The following SLC39A14 variants were observed in gnomAD, a reference collection of about 807,000 sequenced individuals.
The protein encoded by SLC39A14 is metal cation symporter ZIP14.
A neutral mutation model predicts 45.5 loss-of-function variants in SLC39A14; 19 were observed. That is an observed-to-expected ratio of 0.42 (90% CI 0.29 to 0.61). The LOEUF is 0.61. SLC39A14 is among the 20% of genes least tolerant of loss of function. SLC39A14 has a pLI of 0.22. For missense variants in SLC39A14, 447 were observed against 616.5 expected, an observed-to-expected ratio of 0.73 and a Z score of 2.91; for synonymous variants, 264 against 251.3, an observed-to-expected ratio of 1.05 and a Z score of -0.48.
chr8:22,368,800 T>G (rs1210648423), intron 1 of SLC39A14, among the ~76,000 whole-genome samples: 1 of 151,796 alleles, frequency 6.6e-6, no homozygotes, highest in Non-Finnish European at 1.5e-5. Flanking sequence ...CCTTCCAGAG[T>G]GCTGGGATTA....
chr8:22,393,637 C>T (rs1834204037), intron 1 of SLC39A14, among the ~76,000 whole-genome samples: 1 of 152,106 alleles, frequency 6.6e-6, no homozygotes, highest in Non-Finnish European at 1.5e-5. Flanking sequence ...TTGGCAGTTT[C>T]CGTAGCCAAA....
In SLC39A14 at chr8:22,367,991, C is replaced by A. The variant is rs1214101661; in HGVS notation, c.-16+583C>A. Among the ~76,000 whole-genome samples, 1 of 152,156 alleles carries A rather than the reference C, an allele frequency of 6.6e-6. No homozygotes were observed. Among genetic ancestry groups the A allele is most frequent in the African/African-American group, 2.4e-5 (1 of 41,416 alleles). On this transcript the variant is annotated intron_variant, in intron 1 of 8. Transcript: ENST00000381237. The surrounding 1 kb of genome is among the most constrained non-coding windows in gnomAD (Gnocchi z 4.2). ...GCTGCCCCCTCTTGGTGGGTGAGGG[C>A]AGTGGGACAAAGTCGCCATCCGAGC...
chr8:22,411,342 C>G (rs904016092), intron 3 of SLC39A14, among the ~76,000 whole-genome samples: 4 of 152,156 alleles, frequency 2.6e-5, no homozygotes, highest in Non-Finnish European at 4.4e-5. Flanking sequence ...TCCTGGAACT[C>G]TGTTCTTTGT....
In SLC39A14 at chr8:22,404,959, A is replaced by G. The variant is rs2132310567; in HGVS notation, c.249A>G (p.Gln83=). 1.9e-6 allele frequency: 3 copies of G among 1,614,082 alleles called. No individual in the cohort carries two copies. Among genetic ancestry groups the G allele is most frequent in the South Asian group, 1.1e-5 (1 of 91,068 alleles). The change falls in exon 2 of 9, where the codon CAA becomes CAG. Residue 83 remains glutamine (Q), a synonymous_variant. Transcript: ENST00000381237. ...VGRGNVTQHV[Q]GHRNLSTCFS... The stretch of plus-strand genomic sequence containing the variant: ...GGGGTAATGTCACCCAGCACGTGCA[A>G]GGACACAGGAACCTCTCCACGGTAA...
chr8:22,383,026 T>A (rs1400303402), intron 1 of SLC39A14, among the ~76,000 whole-genome samples: 1 of 151,990 alleles, frequency 6.6e-6, no homozygotes, highest in Admixed American at 6.6e-5. Context: ...TGGCGGTGTT[T>A]TTCTTTTAGC....
At chr8:22,417,888 AG>A in intron 8 of SLC39A14, 53 bp downstream of exon 8, 1 of 1,461,698 alleles carries the variant, frequency 6.8e-7, no homozygotes, top group Middle Eastern at 2.2e-4. Context: ...GATGGATGTT[AG>A]GTAGGTAGTT....
In SLC39A14 at chr8:22,419,816, A is replaced by G; in HGVS notation, c.*118A>G. 2.1e-6 allele frequency: 3 copies of G among 1,437,422 alleles called. No individual in the cohort carries two copies. The highest frequency in any genetic ancestry group is 2.7e-6 in the Non-Finnish European group (3 of 1,098,854). The allele number at this position is 1,437,422 out of a possible 1,614,324, so 89.0% of individuals were successfully genotyped here. Reference sequence around the variant, plus strand: ...AGGCCGTTCTATGAAAAACTGACACAGACTGTATTCCTGCATTCAAATGTC... The same window carrying G: ...AGGCCGTTCTATGAAAAACTGACACGGACTGTATTCCTGCATTCAAATGTC... On this transcript the variant is annotated 3_prime_UTR_variant, in exon 9 of 9. Coordinates refer to ENST00000381237, the MANE Select transcript of SLC39A14 (RefSeq NM_001128431.4).
chr8:22,386,028 C>T (rs763779355), intron 1 of SLC39A14, among the ~76,000 whole-genome samples: 8 of 152,098 alleles, frequency 5.3e-5, no homozygotes, highest in Non-Finnish European at 8.8e-5. Flanking sequence ...CAACCTCTGC[C>T]TCCTGGATTA....
chr8:22,389,639 T>C (rs61313395), intron 1 of SLC39A14, among the ~76,000 whole-genome samples: 7,371 of 152,010 alleles, frequency 0.048, 421 homozygotes, highest in African/African-American at 0.14. Context: ...GCTAAAGGTC[T>C]GCCAAGGGCC....
chr8:22,401,534 CTTCTCT>C (rs1834852917), intron 1 of SLC39A14, among the ~76,000 whole-genome samples: 1 of 140,110 alleles, frequency 7.1e-6, no homozygotes, highest in African/African-American at 2.7e-5. Flanking sequence ...TTCTCTTTCT[CTTCTCT>C]TTCTTTTTTT....
downstream of SLC39A14, chr8:22,422,780 T>C: frequency 1.1e-6 from 1 of 884,246 alleles, no homozygotes; most frequent in Non-Finnish European, 1.4e-6. Context: ...AAGTTTTGTT[T>C]TACCAGGTCT....
intron 8 of SLC39A14, among the ~76,000 whole-genome samples, chr8:22,418,236 T>G (rs1268652057): frequency 1.3e-5 from 2 of 152,200 alleles, no homozygotes; most frequent in African/African-American, 4.8e-5. Context: ...TTCCTTAGCT[T>G]TCTTTCACAT....
chr8:22,379,833 G>T (rs1291347978), intron 1 of SLC39A14, among the ~76,000 whole-genome samples: 1 of 151,298 alleles, frequency 6.6e-6, no homozygotes, highest in Admixed American at 6.6e-5. Context: ...GGAGGCCGAG[G>T]CAGGAGAATC....
rs1309753979 is a variant in SLC39A14 at position 22,367,633 on chromosome 8, G to A, written c.-16+225G>A. On this transcript the variant is annotated intron_variant, in intron 1 of 8. Coordinates refer to ENST00000381237, the MANE Select transcript of SLC39A14 (RefSeq NM_001128431.4). This position sits in a 1 kb window ranked among gnomAD's most constrained non-coding sequence, Gnocchi z 4.2. ...CGCGGCCTGTCCGCCTGGAGGGTGC[G>A]GGATGCTAGAGCCGCAGAAGGGTGC... 2.0e-5 allele frequency: 3 copies of A among 152,282 alleles called. No individual in the cohort carries two copies. Among genetic ancestry groups the A allele is most frequent in the Non-Finnish European group, 4.4e-5 (3 of 68,098 alleles). The allele number at this position is 152,282 out of a possible 1,614,324, so 9.4% of individuals were successfully genotyped here.
At position 22,416,210 on chromosome 8, in the gene SLC39A14, C is replaced by T; in HGVS notation, c.1077C>T (p.Phe359=). ...FIDGLAIGAS[F]TVSVFQGIST... ...ATGGCCTGGCCATCGGTGCTTCCTTCACTGTGTCAGTTTTCCAAGGCATCA... is the reference window on the plus strand; with the variant it reads ...ATGGCCTGGCCATCGGTGCTTCCTTTACTGTGTCAGTTTTCCAAGGCATCA... Residue 359 remains phenylalanine, a synonymous_variant, in exon 7 of 9, where the codon TTC becomes TTT. Coordinates refer to ENST00000381237, the MANE Select transcript of SLC39A14 (RefSeq NM_001128431.4). 1 of 1,613,882 alleles carries T rather than the reference C, an allele frequency of 6.2e-7. No homozygotes were observed. The highest frequency in any genetic ancestry group is 2.2e-5 in the East Asian group (1 of 44,876).
At chr8:22,424,528 C>T (rs1335673957), downstream of SLC39A14, among the ~76,000 whole-genome samples, 1 of 152,186 alleles carries the variant, frequency 6.6e-6, no homozygotes, top group African/African-American at 2.4e-5. Context: ...AAATGACATT[C>T]ACACTGCCCT....
In SLC39A14 at chr8:22,420,410, C is replaced by A. The variant is rs916419065; in HGVS notation, c.*712C>A. ...TTTCACGGCTGTCCGAGTGAGCTAA[C>A]GTGGCGGTGTGGCTGCCTGGACCTC... On this transcript the variant is annotated 3_prime_UTR_variant, in exon 9 of 9. Transcript: ENST00000381237. The A allele has an allele frequency of 1.0e-6, 1 of 985,318 alleles. No homozygotes were observed. Among genetic ancestry groups the A allele is most frequent in the East Asian group, 1.1e-4 (1 of 8,824 alleles). 61.0% of individuals were successfully genotyped at this position (985,318 alleles called of 1,614,324 possible). A position where few individuals can be genotyped will look rare whatever the true frequency, so the allele number is the denominator to read the frequency against.
rs372500368 is a variant in SLC39A14, at chr8:22,417,721, C to T, written c.1218C>T (p.Ala406=). 6.2e-7 allele frequency: 1 copy of T among 1,614,090 alleles called. No individual in the cohort carries two copies. Among genetic ancestry groups the T allele is most frequent in the Non-Finnish European group, 8.5e-7 (1 of 1,179,960 alleles). ...QQALFFNFLS[A]CCCYLGLAFG... ...CTCTCTTCTTCAACTTCCTTTCTGC[C>T]TGCTGCTGCTACCTGGGTCTGGCCT... Residue 406 remains alanine, a synonymous_variant, in exon 8 of 9, where the codon GCC becomes GCT. Transcript: ENST00000381237.
At chr8:22,372,145 A>G (rs1181764231) in intron 1 of SLC39A14, among the ~76,000 whole-genome samples, 1 of 152,184 alleles carries the variant, frequency 6.6e-6, no homozygotes, top group Non-Finnish European at 1.5e-5. Context: ...TATTTAGACT[A>G]CTTAGAAATT....
Sources: gnomAD v4.1 joint callset for allele counts (sites outside exome capture counted in the v4.1 genomes callset) on GRCh38, gnomAD v4.1.1 for gene constraint, Gnocchi (gnomAD v3.1) non-coding constraint, MANE v1.5 for transcripts, NCBI Gene and HGNC (gene_info 2026-07-23, HGNC 2026-07-21) for gene names.